ATOSA: variants seen among roughly 807,000 people sequenced by gnomAD.
ATOSA encodes atos homolog A.
chr15:52,584,838 G>C, the ATOSA span: 1 of 1,613,576 alleles, frequency 6.2e-7, no homozygotes, highest in Non-Finnish European at 8.5e-7. Flanking sequence ...AACAGGTACA[G>C]AAAAAGTTCT....
the ATOSA span, chr15:52,608,692 T>A: frequency 6.2e-7 from 1 of 1,612,670 alleles, no homozygotes; most frequent in Non-Finnish European, 8.5e-7. Flanking sequence ...ATTTTTTAAT[T>A]GGTCTGACTT....
At chr15:52,602,363 A>T in the ATOSA span, among the ~76,000 whole-genome samples, 1 of 152,112 alleles carries the variant, frequency 6.6e-6, no homozygotes, top group Non-Finnish European at 1.5e-5. Context: ...TTAACTCTCA[A>T]ATTGCTCTGA....
At chr15:52,655,089 C>A in the ATOSA span, among the ~76,000 whole-genome samples, 1 of 152,068 alleles carries the variant, frequency 6.6e-6, no homozygotes. Flanking sequence ...TAACTAGAAC[C>A]AAGTGGGTAA....
chr15:52,652,178 T>C, the ATOSA span: 5 of 817,860 alleles, frequency 6.1e-6, no homozygotes, highest in Non-Finnish European at 8.3e-6. Context: ...CACTGTCATG[T>C]TTTCTTTGCT....
At chr15:52,692,311 G>A in the ATOSA span, among the ~76,000 whole-genome samples, 1 of 152,144 alleles carries the variant, frequency 6.6e-6, no homozygotes, top group East Asian at 1.9e-4. Flanking sequence ...ATCTACACTT[G>A]ACAAAATTTA....
At chr15:52,627,040 T>C in the ATOSA span, among the ~76,000 whole-genome samples, 460 of 152,342 alleles carry the variant, frequency 3.0e-3, 1 homozygote, top group African/African-American at 0.011. Flanking sequence ...TTTGTTTCTC[T>C]GCCCATGCAA....
chr15:52,651,088 A>C, the ATOSA span, among the ~76,000 whole-genome samples: 1 of 152,212 alleles, frequency 6.6e-6, no homozygotes, highest in Non-Finnish European at 1.5e-5. Context: ...ACAGTTTAAT[A>C]AGATTTGACT....
the ATOSA span, among the ~76,000 whole-genome samples, chr15:52,601,830 G>A: frequency 6.6e-6 from 1 of 151,912 alleles, no homozygotes; most frequent in Non-Finnish European, 1.5e-5. Flanking sequence ...ATGTGTACCT[G>A]ACTCTCTGGT....
the ATOSA span, among the ~76,000 whole-genome samples, chr15:52,588,306 A>C: frequency 6.6e-6 from 1 of 152,228 alleles, no homozygotes; most frequent in East Asian, 1.9e-4. Context: ...GCAAAAATGC[A>C]ATCAATGGGG....
chr15:52,597,204 T>TCC, the ATOSA span, among the ~76,000 whole-genome samples: 2 of 7,746 alleles, frequency 2.6e-4, no homozygotes, highest in African/African-American at 5.2e-4. Flanking sequence ...TATTCTATTC[T>TCC]ATTCTATTCT....
the ATOSA span, among the ~76,000 whole-genome samples, chr15:52,597,165 G>GTTCTGTTCTGTTCTGTTCTA: frequency 1.8e-3 from 45 of 24,642 alleles, no homozygotes; most frequent in Non-Finnish European, 3.2e-3. Context: ...GTTCTGTTCT[G>GTTCTGTTCTGTTCTGTTCTA]TTCTATTCTA....
chr15:52,611,286 T>C, the ATOSA span: 1 of 1,606,538 alleles, frequency 6.2e-7, no homozygotes, highest in East Asian at 2.2e-5. Context: ...AATTTAAATG[T>C]AGGCAAGTAC....
At chr15:52,613,765 C>T in the ATOSA span, 7 of 1,613,892 alleles carry the variant, frequency 4.3e-6, no homozygotes, top group Non-Finnish European at 5.9e-6. Flanking sequence ...CGACCTTTTA[C>T]AGAACATTCA....
the ATOSA span, among the ~76,000 whole-genome samples, chr15:52,670,131 CTA>C: frequency 6.6e-6 from 1 of 152,242 alleles, no homozygotes; most frequent in Non-Finnish European, 1.5e-5. Context: ...TGACTTTTTT[CTA>C]TGTTATTGTA....
chr15:52,609,203 T>G, the ATOSA span: 1 of 1,612,404 alleles, frequency 6.2e-7, no homozygotes, highest in Non-Finnish European at 8.5e-7. Context: ...TCTTTACTAT[T>G]ATTTTTAAAA....
At chr15:52,688,447 G>A in the ATOSA span, among the ~76,000 whole-genome samples, 1 of 152,204 alleles carries the variant, frequency 6.6e-6, no homozygotes, top group Non-Finnish European at 1.5e-5. Flanking sequence ...AACTCTGGTG[G>A]TGACTGGCTG....
chr15:52,586,977 T>G, the ATOSA span: 3 of 1,342,894 alleles, frequency 2.2e-6, no homozygotes, highest in Non-Finnish European at 3.0e-6. Context: ...TGCTTTCCTT[T>G]TATGGAGGTC....
chr15:52,653,647 T>C, the ATOSA span, among the ~76,000 whole-genome samples: 2 of 152,178 alleles, frequency 1.3e-5, no homozygotes, highest in South Asian at 2.1e-4. Context: ...TATTATACCA[T>C]TATGAGCTTC....
the ATOSA span, among the ~76,000 whole-genome samples, chr15:52,612,959 A>G: frequency 6.8e-6 from 1 of 146,346 alleles, no homozygotes; most frequent in Non-Finnish European, 1.5e-5. Flanking sequence ...CTTCCCATTT[A>G]AAAAAAAAAA....
Sources: gnomAD v4.1 joint callset for allele counts (sites outside exome capture counted in the v4.1 genomes callset) on GRCh38, gnomAD v4.1.1 for gene constraint, MANE v1.5 for transcripts, NCBI Gene and HGNC (gene_info 2026-07-23, HGNC 2026-07-21) for gene names.